MARK1: variants seen among roughly 807,000 people sequenced by gnomAD.
The protein encoded by MARK1 is serine/threonine-protein kinase MARK1.
Under a neutral mutation model 96.3 loss-of-function variants are expected in MARK1, and 40 were observed. The ratio of observed to expected loss-of-function variants is 0.42; its 90% CI spans 0.32 to 0.54. The LOEUF is 0.54. Among genes scored for constraint, MARK1 ranks in the 20% least tolerant of loss-of-function variants. The pLI is 0.16. For missense variants in MARK1, 719 were observed against 984.6 expected (o/e 0.73, Z 3.61); for synonymous variants, 317 against 341.2 (o/e 0.93, Z 0.78).
At chr1:220,595,701 G>A (rs1422677223) in intron 3 of MARK1, among the ~76,000 whole-genome samples, 4 of 152,174 alleles carry the variant, frequency 2.6e-5, no homozygotes, top group South Asian at 4.1e-4. Context: ...AGTAGATAAC[G>A]GATTGGAGGA....
chr1:220,649,114 CTG>C (rs1340316533), intron 13 of MARK1, among the ~76,000 whole-genome samples: 1 of 152,144 alleles, frequency 6.6e-6, no homozygotes, highest in African/African-American at 2.4e-5. Flanking sequence ...TTCTTTCAAA[CTG>C]TGAAATACGG....
At chr1:220,616,828 AG>A (rs1247150365) in intron 7 of MARK1, among the ~76,000 whole-genome samples, 1 of 152,210 alleles carries the variant, frequency 6.6e-6, no homozygotes. Flanking sequence ...GAGAAAGAAA[AG>A]AACTGTTCCC....
chr1:220,583,814 ATTTTTTTTTTT>A lies in MARK1; in HGVS notation c.309+2711_309+2721del, dbSNP rs34848222. 1.9e-4 allele frequency among the ~76,000 whole-genome samples: 20 copies of A among 105,224 alleles called. No homozygotes were observed. The East Asian group carries it at 4.5e-3, about 24-fold the overall frequency. The allele number at this position is 105,224 out of a possible 152,430, so 69.0% of individuals were successfully genotyped here. A position where few individuals can be genotyped will look rare whatever the true frequency, so the allele number is the denominator to read the frequency against. ...CAGGTGCATGCACCATGCCTGGCTA[ATTTTTTTTTTT>A]TTTTTTTTTTTTTTGTATTTTTAGT... On this transcript the variant is annotated intron_variant, in intron 3 of 17. Coordinates refer to ENST00000366917, the MANE Select transcript of MARK1 (RefSeq NM_018650.5).
At chr1:220,646,939 A>G (rs1668608901) in intron 13 of MARK1, among the ~76,000 whole-genome samples, 1 of 152,214 alleles carries the variant, frequency 6.6e-6, no homozygotes, top group Non-Finnish European at 1.5e-5. Context: ...AAAATCCAAA[A>G]CTATAAAATC....
chr1:220,606,987 A>T (rs1369943372), intron 6 of MARK1, among the ~76,000 whole-genome samples: 1 of 152,090 alleles, frequency 6.6e-6, no homozygotes, highest in Non-Finnish European at 1.5e-5. Context: ...TTTGCTTAGG[A>T]TTGTCTTCAC....
rs1174825106 is a variant in MARK1 at position 220,533,025 on chromosome 1, A to G, written c.51+4152A>G. On this transcript the variant is annotated intron_variant, in intron 1 of 17. Transcript: ENST00000366917. ...AACCCTTTTTTTTAAAAAAAAAAATAGATTTTAGAAGAGCATATGAAATGG... is the reference window on the plus strand; with the variant it reads ...AACCCTTTTTTTTAAAAAAAAAAATGGATTTTAGAAGAGCATATGAAATGG... Among the ~76,000 whole-genome samples, 3 of 147,452 alleles carry G rather than the reference A, an allele frequency of 2.0e-5. No homozygotes were observed. The Admixed American group carries it at 2.0e-4, about 10-fold the overall frequency.
In MARK1 at chr1:220,587,411, C is replaced by T. The variant is rs557316463; in HGVS notation, c.309+6293C>T. On this transcript the variant is annotated intron_variant, in intron 3 of 17. Coordinates refer to ENST00000366917, the MANE Select transcript of MARK1 (RefSeq NM_018650.5). ...TGGACGGAGTTTCACTCTTGTTGCC[C>T]AGACTGGAGTGCAATGGCGTGATCT... Among the ~76,000 whole-genome samples the T allele has an allele frequency of 2.3e-4, 35 of 151,850 alleles. 1 individual carries two copies. In the South Asian group the frequency reaches 7.3e-3, roughly 32 times the overall value.
chr1:220,530,414 G>A (rs1660238878), intron 1 of MARK1, among the ~76,000 whole-genome samples: 1 of 151,956 alleles, frequency 6.6e-6, no homozygotes, highest in African/African-American at 2.4e-5. Context: ...TTTCTAACAG[G>A]AACATTAAAA....
intron 1 of MARK1, among the ~76,000 whole-genome samples, chr1:220,556,271 T>G (rs2102759459): frequency 6.6e-6 from 1 of 152,246 alleles, no homozygotes; most frequent in South Asian, 2.1e-4. Context: ...AAGCTTGTCA[T>G]CAGTACCGGA....
chr1:220,549,858 T>G (rs578094514), intron 1 of MARK1, among the ~76,000 whole-genome samples: 1 of 152,352 alleles, frequency 6.6e-6, no homozygotes, highest in East Asian at 1.9e-4. Flanking sequence ...GTTGGATGGT[T>G]GTTGGGTTTT....
rs1667932177 is a variant in MARK1, at chr1:220,635,879, G to C, written c.1323G>C (p.Gln441His). Residue 441 changes from glutamine (Q) to histidine (H), a missense_variant, in exon 13 of 18, where the codon CAG becomes CAC. Gln to His is a conservative substitution (Grantham distance 24). Around this residue, in one of 4 missense-constraint regions of MARK1, gnomAD observed 501 missense variants for 588.3 expected, o/e 0.85. Coordinates refer to ENST00000366917, the MANE Select transcript of MARK1 (RefSeq NM_018650.5). ...PPAVSYTKRPQANSVESEQKE... is the reference protein window; with the variant it reads ...PPAVSYTKRPHANSVESEQKE... ...CTGTATCATATACCAAAAGACCTCAGGCTAACAGTGTGGAAAGTGAACAGA... is the reference window on the plus strand; with the variant it reads ...CTGTATCATATACCAAAAGACCTCACGCTAACAGTGTGGAAAGTGAACAGA... The C allele has an allele frequency of 1.2e-6, 2 of 1,613,594 alleles. No homozygotes were observed. Among genetic ancestry groups the C allele is most frequent in the South Asian group, 2.2e-5 (2 of 91,028 alleles).
rs1413520091 is a variant in MARK1 at position 220,595,715 on chromosome 1, G to A, written c.310-2616G>A. 2.0e-5 allele frequency among the ~76,000 whole-genome samples: 3 copies of A among 152,208 alleles called. No individual in the cohort carries two copies. In the East Asian group the frequency reaches 5.8e-4, roughly 29 times the overall value. On this transcript the variant is annotated intron_variant, in intron 3 of 17. Transcript: ENST00000366917. Reference sequence around the variant, plus strand: ...TAGTAGATAACGGATTGGAGGATGGGAGGATAGAAAAGATGTGTGGATAAC... The same window carrying A: ...TAGTAGATAACGGATTGGAGGATGGAAGGATAGAAAAGATGTGTGGATAAC...
chr1:220,545,531 G>A (rs1243398301), intron 1 of MARK1, among the ~76,000 whole-genome samples: 1 of 149,286 alleles, frequency 6.7e-6, no homozygotes, highest in Non-Finnish European at 1.5e-5. Flanking sequence ...TGGCCTTCCG[G>A]GTTCAATCAA....
chr1:220,541,161 A>C (rs1223581518), intron 1 of MARK1, among the ~76,000 whole-genome samples: 1 of 151,916 alleles, frequency 6.6e-6, no homozygotes, highest in African/African-American at 2.4e-5. Flanking sequence ...TAAAACTCCC[A>C]ACCTCAAGTG....
At chr1:220,609,868 A>C (rs1666328276) in intron 6 of MARK1, among the ~76,000 whole-genome samples, 1 of 152,198 alleles carries the variant, frequency 6.6e-6, no homozygotes, top group Non-Finnish European at 1.5e-5. Flanking sequence ...AAGAATGTTG[A>C]ATATTGGCCC....
chr1:220,612,969 A>G (rs144480506), intron 6 of MARK1, among the ~76,000 whole-genome samples: 8 of 152,264 alleles, frequency 5.3e-5, no homozygotes, highest in African/African-American at 1.9e-4. Context: ...TATCAAGTCT[A>G]CCACTTATAA....
chr1:220,597,046 A>G (rs1464730496), intron 3 of MARK1, among the ~76,000 whole-genome samples: 2 of 152,166 alleles, frequency 1.3e-5, no homozygotes, highest in Non-Finnish European at 2.9e-5. Flanking sequence ...ATCATGTGTC[A>G]GAATTTCCTT....
chr1:220,660,410 C>G (rs1002221669), intron 17 of MARK1, among the ~76,000 whole-genome samples: 2 of 152,084 alleles, frequency 1.3e-5, no homozygotes, highest in African/African-American at 4.8e-5. Context: ...TACCTAGGCT[C>G]AGACACCTGG....
At chr1:220,544,923 A>G (rs1346574436) in intron 1 of MARK1, among the ~76,000 whole-genome samples, 1 of 152,246 alleles carries the variant, frequency 6.6e-6, no homozygotes, top group East Asian at 1.9e-4. Flanking sequence ...ACAAAGACAA[A>G]TGAAACCTGT....
Sources: allele counts gnomAD v4.1 joint callset (sites outside exome capture counted in the v4.1 genomes callset), GRCh38; gene constraint gnomAD v4.1.1; regional missense constraint gnomAD v4.1.1; transcripts MANE v1.5; gene names NCBI Gene and HGNC (gene_info 2026-07-23, HGNC 2026-07-21).